The following CCDC91 variants were observed in gnomAD, a reference collection of about 807,000 sequenced individuals.
CCDC91 encodes the protein coiled-coil domain containing 91, also known as coiled-coil domain-containing protein 91.
In CCDC91, 48 loss-of-function variants were observed where a neutral mutation model predicts 63.2. The observed-to-expected ratio is 0.76, with a 90% CI of 0.60 to 0.97. The LOEUF (loss-of-function observed/expected upper bound fraction) is 0.97, where lower values mean the gene tolerates loss of function less well. Ranked by LOEUF, CCDC91 falls within the 50% of genes least tolerant of loss-of-function variation. The pLI, the probability that CCDC91 is intolerant of heterozygous loss-of-function variation, is 0.00. For synonymous variants in CCDC91, 167 were observed against 165.8 expected, an observed-to-expected ratio of 1.01 and a Z score of -0.06; for missense variants, 500 against 494.6, an observed-to-expected ratio of 1.01 and a Z score of -0.10.
chr12:28,433,776 A>T (rs1565965352), intron 8 of CCDC91, among the ~76,000 whole-genome samples: 1 of 151,610 alleles, frequency 6.6e-6, no homozygotes, highest in African/African-American at 2.4e-5. Context: ...TTTCATTGAA[A>T]CTCTAGACCA....
intron 8 of CCDC91, among the ~76,000 whole-genome samples, chr12:28,422,312 T>TTATA (rs1456827377): frequency 6.6e-6 from 1 of 152,120 alleles, no homozygotes; most frequent in Non-Finnish European, 1.5e-5. Flanking sequence ...ATACTAATAT[T>TTATA]TATATGGGTT....
intron 1 of CCDC91, among the ~76,000 whole-genome samples, chr12:28,253,438 C>T (rs1219900564): frequency 6.6e-6 from 1 of 152,170 alleles, no homozygotes; most frequent in East Asian, 1.9e-4. Context: ...CTCCAGTCTT[C>T]TGCTGTGGTG....
intron 7 of CCDC91, among the ~76,000 whole-genome samples, chr12:28,390,930 TTTTC>T (rs1945894486): frequency 6.8e-6 from 1 of 146,572 alleles, no homozygotes; most frequent in Non-Finnish European, 1.5e-5. Flanking sequence ...CCTTTTTTCT[TTTTC>T]TTTCTTTTTT....
At chr12:28,442,891 T>C (rs1022087390) in intron 8 of CCDC91, among the ~76,000 whole-genome samples, 3 of 152,078 alleles carry the variant, frequency 2.0e-5, no homozygotes, top group Non-Finnish European at 4.4e-5. Flanking sequence ...GTGCCTAACT[T>C]GTCTCAGATT....
chr12:28,272,341 C>T (rs550343846), intron 3 of CCDC91, among the ~76,000 whole-genome samples: 10 of 150,948 alleles, frequency 6.6e-5, no homozygotes, highest in South Asian at 6.3e-4. Flanking sequence ...AATTCTTGGC[C>T]GTTGTTTTTA....
chr12:28,233,043 T>G (rs1316319117), intron 1 of CCDC91, among the ~76,000 whole-genome samples: 1 of 152,016 alleles, frequency 6.6e-6, no homozygotes, highest in Non-Finnish European at 1.5e-5. Context: ...ATTAACTGAT[T>G]TCCTAAGTCT....
At chr12:28,330,425 T>C (rs892570268) in intron 6 of CCDC91, among the ~76,000 whole-genome samples, 1 of 152,076 alleles carries the variant, frequency 6.6e-6, no homozygotes, top group African/African-American at 2.4e-5. Flanking sequence ...TTCTGAGAAG[T>C]GTCTGTTCAT....
chr12:28,437,583 A>C (rs917552484), intron 8 of CCDC91, among the ~76,000 whole-genome samples: 10 of 152,080 alleles, frequency 6.6e-5, no homozygotes, highest in Non-Finnish European at 1.0e-4. Context: ...AATATTATGT[A>C]CTGGTCTTTG....
intron 8 of CCDC91, among the ~76,000 whole-genome samples, chr12:28,429,864 ACT>A (rs1948535909): frequency 6.6e-6 from 1 of 151,874 alleles, no homozygotes; most frequent in Non-Finnish European, 1.5e-5. Flanking sequence ...TCCCAAAAAA[ACT>A]CTCTGATGCT....
At chr12:28,521,528 T>C (rs1249674135) in intron 12 of CCDC91, among the ~76,000 whole-genome samples, 6 of 152,148 alleles carry the variant, frequency 3.9e-5, no homozygotes, top group Non-Finnish European at 8.8e-5. Flanking sequence ...ACAGGGACAA[T>C]TTGACTTCCT....
At chr12:28,374,008 A>G (rs1251893711) in intron 7 of CCDC91, among the ~76,000 whole-genome samples, 3 of 152,280 alleles carry the variant, frequency 2.0e-5, no homozygotes, top group South Asian at 2.1e-4. Context: ...CTGTGAATCA[A>G]TTAAACCTCT....
At chr12:28,353,784 A>G (rs181406458) in intron 6 of CCDC91, among the ~76,000 whole-genome samples, 75 of 152,294 alleles carry the variant, frequency 4.9e-4, no homozygotes, top group African/African-American at 1.5e-3. Context: ...AAAAATTTTG[A>G]AATATTGTTA....
At chr12:28,387,336 A>G (rs1945667089) in intron 7 of CCDC91, among the ~76,000 whole-genome samples, 1 of 149,832 alleles carries the variant, frequency 6.7e-6, no homozygotes. Context: ...TTGCCTAATC[A>G]TTTAGCTCCA....
chr12:28,282,360 T>C (rs561225400), intron 3 of CCDC91, among the ~76,000 whole-genome samples: 2 of 152,282 alleles, frequency 1.3e-5, no homozygotes, highest in African/African-American at 4.8e-5. Flanking sequence ...GAACATGTAG[T>C]ATTTGTTCTT....
At chr12:28,192,737 A>T (rs1460170637) in intron 1 of CCDC91, among the ~76,000 whole-genome samples, 1 of 152,222 alleles carries the variant, frequency 6.6e-6, no homozygotes, top group African/African-American at 2.4e-5. Flanking sequence ...TATTTTTAAA[A>T]AGGGCATATG....
chr12:28,546,907 G>T (rs1335090957), intron 12 of CCDC91, among the ~76,000 whole-genome samples: 1 of 152,020 alleles, frequency 6.6e-6, no homozygotes, highest in African/African-American at 2.4e-5. Context: ...GTGCACTCAG[G>T]TTGTAAATTT....
At chr12:28,425,673 GAGTGCTCAT>G (rs1327575256) in intron 8 of CCDC91, among the ~76,000 whole-genome samples, 1 of 152,140 alleles carries the variant, frequency 6.6e-6, no homozygotes, top group Non-Finnish European at 1.5e-5. Flanking sequence ...CCTGACACTT[GAGTGCTCAT>G]GGAACTCTCT....
chr12:28,464,306 A>C (rs1418432521), intron 11 of CCDC91, among the ~76,000 whole-genome samples: 2 of 152,182 alleles, frequency 1.3e-5, no homozygotes, highest in African/African-American at 4.8e-5. Flanking sequence ...GCACAGAACC[A>C]GGCCAAAAGC....
At chr12:28,525,118 G>T (rs916561875) in intron 12 of CCDC91, among the ~76,000 whole-genome samples, 1 of 151,674 alleles carries the variant, frequency 6.6e-6, no homozygotes, top group African/African-American at 2.4e-5. Flanking sequence ...CTCACATTTC[G>T]GTTATTTCCT....
Sources: gnomAD v4.1 joint callset for allele counts (sites outside exome capture counted in the v4.1 genomes callset) on GRCh38, gnomAD v4.1.1 for gene constraint, MANE v1.5 for transcripts, NCBI Gene and HGNC (gene_info 2026-07-23, HGNC 2026-07-21) for gene names.